MXD1: variants seen among roughly 807,000 people sequenced by gnomAD.
The protein encoded by MXD1 is MAX-binding protein.
In MXD1, 9 loss-of-function variants were observed where a neutral mutation model predicts 25.7. That is an observed-to-expected ratio of 0.35 (90% CI 0.21 to 0.61). The LOEUF (loss-of-function observed/expected upper bound fraction) is 0.61, where lower values mean the gene tolerates loss of function less well. Ranked by LOEUF, MXD1 falls within the 20% of genes least tolerant of loss-of-function variation. MXD1 has a pLI of 0.75. For missense variants in MXD1, 227 were observed against 292.4 expected (o/e 0.78, Z 1.63); for synonymous variants, 99 against 113.9 (o/e 0.87, Z 0.83).
chr2:69,916,000 C>A lies in MXD1; in HGVS notation c.74-121C>A. ...TTGTTCTCAGAATTCCACCTTACTC[C>A]ATTTAATTATTTCCACAATATTCTT... On this transcript the variant is annotated intron_variant, in intron 1 of 5. Transcript: ENST00000264444. The surrounding 1 kb of genome is among the most constrained non-coding windows in gnomAD (Gnocchi z 5.8). The A allele has an allele frequency of 1.5e-6, 1 of 688,472 alleles. No individual in the cohort carries two copies. Among genetic ancestry groups the A allele is most frequent in the South Asian group, 1.7e-5 (1 of 59,190 alleles). The allele number at this position is 688,472 out of a possible 1,614,324, so 42.6% of individuals were successfully genotyped here. A position where few individuals can be genotyped will look rare whatever the true frequency, so the allele number is the denominator to read the frequency against.
intron 3 of MXD1, among the ~76,000 whole-genome samples, chr2:69,927,050 G>A (rs1677184471): frequency 6.6e-6 from 1 of 152,210 alleles, no homozygotes; most frequent in African/African-American, 2.4e-5. Flanking sequence ...CCATGGGGAA[G>A]ACTCTGCAGC....
chr2:69,939,925 C>T lies in MXD1; in HGVS notation c.*1641C>T, dbSNP rs1677555929. On this transcript the variant is annotated 3_prime_UTR_variant, in exon 6 of 6. Transcript: ENST00000264444. ...CTAAGGTCAAAGTTCAAACGCACTC[C>T]ACACGGAAGCTCATTCTATACCCGA... 1 of 152,448 alleles carries T rather than the reference C, an allele frequency of 6.6e-6. No homozygotes were observed. The highest frequency in any genetic ancestry group is 1.5e-5 in the Non-Finnish European group (1 of 68,054). 9.4% of individuals were successfully genotyped at this position (152,448 alleles called of 1,614,324 possible). A position where few individuals can be genotyped will look rare whatever the true frequency, so the allele number is the denominator to read the frequency against.
At position 69,939,997 on chromosome 2, in the gene MXD1, G is replaced by T. The variant is rs1677557992; in HGVS notation, c.*1713G>T. The T allele has an allele frequency of 6.6e-6, 1 of 150,504 alleles. No individual in the cohort carries two copies. The highest frequency in any genetic ancestry group is 1.5e-5 in the Non-Finnish European group (1 of 67,754). The allele number at this position is 150,504 out of a possible 1,614,324, so 9.3% of individuals were successfully genotyped here. On this transcript the variant is annotated 3_prime_UTR_variant, in exon 6 of 6. Coordinates refer to ENST00000264444, the MANE Select transcript of MXD1 (RefSeq NM_002357.4). ...ATTACTTTTGTGTTTTTTAAAAAAT[G>T]ATTCTTTAATGTATTTTTCTAAACA...
At chr2:69,929,457 A>G (rs6741449) in intron 3 of MXD1, among the ~76,000 whole-genome samples, 81,753 of 152,106 alleles carry the variant, frequency 0.54, 24,039 homozygotes, top group African/African-American at 0.79. Context: ...TAGAATCAAG[A>G]AAGCATGGTC....
In MXD1 at chr2:69,938,633, C is replaced by T; in HGVS notation, c.*349C>T. ...CCAGACCTTTCTTCCAGTTTTCTGG[C>T]TTACTGTGTTACTTGCCTAGGAGGA... On this transcript the variant is annotated 3_prime_UTR_variant, in exon 6 of 6. Transcript: ENST00000264444. 5.2e-6 allele frequency: 1 copy of T among 193,792 alleles called. No homozygotes were observed. The highest frequency in any genetic ancestry group is 1.1e-5 in the Non-Finnish European group (1 of 93,232). 12.0% of individuals were successfully genotyped at this position (193,792 alleles called of 1,614,324 possible).
In MXD1 at chr2:69,940,916, A is replaced by G. The variant is rs945875103; in HGVS notation, c.*2632A>G. The G allele has an allele frequency of 2.0e-5, 3 of 152,634 alleles. No homozygotes were observed. Among genetic ancestry groups the G allele is most frequent in the African/African-American group, 7.2e-5 (3 of 41,438 alleles). 9.5% of individuals were successfully genotyped at this position (152,634 alleles called of 1,614,324 possible). ...GCTGATCGGCAGCCCTGATTCGCCA[A>G]TTTGTCCTCTCTCATTCACTGATCC... On this transcript the variant is annotated 3_prime_UTR_variant, in exon 6 of 6. Coordinates refer to ENST00000264444, the MANE Select transcript of MXD1 (RefSeq NM_002357.4).
At position 69,938,851 on chromosome 2, in the gene MXD1, C is replaced by G. The variant is rs1293834478; in HGVS notation, c.*567C>G. 1 of 152,920 alleles carries G rather than the reference C, an allele frequency of 6.5e-6. No individual in the cohort carries two copies. The highest frequency in any genetic ancestry group is 1.5e-5 in the Non-Finnish European group (1 of 68,350). 9.5% of individuals were successfully genotyped at this position (152,920 alleles called of 1,614,324 possible). ...TTCACACCGCGCATGCTCATTCCCC[C>G]GACGCGCCGCGTGTGGATGGGAGCA... On this transcript the variant is annotated 3_prime_UTR_variant, in exon 6 of 6. Coordinates refer to ENST00000264444, the MANE Select transcript of MXD1 (RefSeq NM_002357.4).
In MXD1 at chr2:69,939,274, C is replaced by G. The variant is rs1450102252; in HGVS notation, c.*990C>G. On this transcript the variant is annotated 3_prime_UTR_variant, in exon 6 of 6. Transcript: ENST00000264444. ...GTGAAAGAAAAAGTCCACATTTCTA[C>G]TCTCTGTTGCAGGTGAACAGGAGAG... is the stretch of plus-strand genomic sequence containing the variant. The G allele has an allele frequency of 6.6e-6, 1 of 152,628 alleles. No individual in the cohort carries two copies. The highest frequency in any genetic ancestry group is 1.5e-5 in the Non-Finnish European group (1 of 68,046). 9.5% of individuals were successfully genotyped at this position (152,628 alleles called of 1,614,324 possible).
At chr2:69,934,154 G>T (rs1049023101) in intron 3 of MXD1, among the ~76,000 whole-genome samples, 7 of 152,206 alleles carry the variant, frequency 4.6e-5, no homozygotes, top group African/African-American at 1.7e-4. Context: ...TGCAATGAAT[G>T]GTTAAGTAAG....
rs138139222 is a variant in MXD1 at position 69,936,647 on chromosome 2, C to A, written c.319-588C>A. ...TCTGAAGAATATGAGAAGCTGGGGG[C>A]AGATTTATAAAAATGAGTATTCTAT... On this transcript the variant is annotated intron_variant, in intron 4 of 5. Coordinates refer to ENST00000264444, the MANE Select transcript of MXD1 (RefSeq NM_002357.4). Among the ~76,000 whole-genome samples the A allele has an allele frequency of 2.6e-5, 4 of 152,224 alleles. No homozygotes were observed. In the East Asian group the frequency reaches 7.7e-4, roughly 29 times the overall value.
chr2:69,932,719 A>G (rs1251101269), intron 3 of MXD1, among the ~76,000 whole-genome samples: 1 of 152,230 alleles, frequency 6.6e-6, no homozygotes, highest in Non-Finnish European at 1.5e-5. Context: ...GCTAGAAATG[A>G]CAATGCATCA....
intron 2 of MXD1, among the ~76,000 whole-genome samples, chr2:69,919,137 T>C (rs574668062): frequency 6.6e-6 from 1 of 152,330 alleles, no homozygotes; most frequent in Admixed American, 6.5e-5. Flanking sequence ...ATTCAGAATT[T>C]TGCATAAGTA....
At chr2:69,927,735 T>A (rs1677197797) in intron 3 of MXD1, among the ~76,000 whole-genome samples, 1 of 152,252 alleles carries the variant, frequency 6.6e-6, no homozygotes. Context: ...ACTTTAATAA[T>A]GAAGTGACCT....
intron 3 of MXD1, among the ~76,000 whole-genome samples, chr2:69,933,222 AAAC>A (rs1459976973): frequency 2.3e-4 from 32 of 142,180 alleles, no homozygotes; most frequent in South Asian, 6.7e-4. Context: ...AAAAAAAAAA[AAAC>A]AAAAAAAGAA....
chr2:69,938,184 G>A lies in MXD1; in HGVS notation c.566G>A (p.Arg189Gln), dbSNP rs150336449. 1,084 of 1,614,216 alleles carry A rather than the reference G, an allele frequency of 6.7e-4. 4 individuals carry two copies. The highest frequency in any genetic ancestry group is 2.6e-3 in the Middle Eastern group (16 of 6,062). The change falls in exon 6 of 6, where the codon CGG becomes CAG. Residue 189 changes from arginine to glutamine, a missense_variant. Physicochemically the swap from Arg to Gln is conservative, Grantham distance 43. Coordinates refer to ENST00000264444, the MANE Select transcript of MXD1 (RefSeq NM_002357.4). ...AGCAGTGTGAGCGACTCTGACGAGC[G>A]GGGCAGCATGCAGAGCCTCGGCAGT... ...SSSSVSDSDE[R>Q]GSMQSLGSDE...
At chr2:69,932,351 T>G (rs1208124819) in intron 3 of MXD1, among the ~76,000 whole-genome samples, 1 of 152,222 alleles carries the variant, frequency 6.6e-6, no homozygotes, top group African/African-American at 2.4e-5. Context: ...ATGATAGAAC[T>G]GAGTCTACTT....
rs376617107 is a variant in MXD1, at chr2:69,915,634, C to A, written c.73+231C>A. ...CGCCCGCCGGGGTCCCGAACGCCGC[C>A]CCTTCCCCAGCCCTTCACGAGTGGG... On this transcript the variant is annotated intron_variant, in intron 1 of 5. Coordinates refer to ENST00000264444, the MANE Select transcript of MXD1 (RefSeq NM_002357.4). The surrounding 1 kb of genome is among the most constrained non-coding windows in gnomAD (Gnocchi z 5.8). Among the ~76,000 whole-genome samples the A allele has an allele frequency of 3.3e-5, 5 of 152,184 alleles. No individual in the cohort carries two copies. Among genetic ancestry groups the A allele is most frequent in the Non-Finnish European group, 5.9e-5 (4 of 68,016 alleles).
intron 1 of MXD1, 55 bp from the exon 2 acceptor site, chr2:69,916,064 GGA>G: frequency 1.1e-6 from 1 of 905,796 alleles, no homozygotes. Flanking sequence ...ACTGTAGAGA[GGA>G]GAGAGCATTA....
intron 4 of MXD1, among the ~76,000 whole-genome samples, chr2:69,935,720 C>T (rs960900217): frequency 1.3e-5 from 2 of 152,190 alleles, no homozygotes; most frequent in African/African-American, 4.8e-5. Flanking sequence ...ATAGCTCCTG[C>T]TCCTTAACCA....
Sources: allele counts gnomAD v4.1 joint callset (sites outside exome capture counted in the v4.1 genomes callset), GRCh38; gene constraint gnomAD v4.1.1; non-coding constraint Gnocchi (gnomAD v3.1); transcripts MANE v1.5; gene names NCBI Gene and HGNC (gene_info 2026-07-23, HGNC 2026-07-21).